Variants in CD74 observed in about 807,000 individuals in gnomAD.
CD74 encodes the protein CD74 molecule, also known as HLA class II histocompatibility antigen gamma chain.
CD74 carries 20 observed loss-of-function variants against 37.1 expected under a neutral mutation model. The ratio of observed to expected loss-of-function variants is 0.54; its 90% CI spans 0.38 to 0.78. The LOEUF (loss-of-function observed/expected upper bound fraction) is 0.78. Among genes scored for constraint, CD74 ranks in the 30% least tolerant of loss-of-function variants. The probability of loss-of-function intolerance (pLI) is 0.00; values close to 1 mark genes in which losing one functional copy is unlikely to be tolerated. For synonymous variants in CD74, 150 were observed against 152.0 expected (o/e 0.99, Z 0.10); for missense variants, 338 against 389.5 (o/e 0.87, Z 1.11).
At chr5:150,406,001 C>G in intron 4 of CD74, 1 of 360,954 alleles carries the variant, frequency 2.8e-6, no homozygotes, top group Non-Finnish European at 5.3e-6. Flanking sequence ...GAACTCCTGG[C>G]CTCAGGTGAT....
rs1467264237 is a variant in CD74 at position 150,407,783 on chromosome 5, T to G, written c.126-459A>C. On this transcript the variant is annotated intron_variant, in intron 1 of 8. Transcript: ENST00000009530. The surrounding 1 kb of genome is among the most constrained non-coding windows in gnomAD (Gnocchi z 4.4). ...TTGTTTTGTTTTTTGAGACGGAGTCTTGCTCTGTCGCCCAGGCTGGAGTGC... is the reference window on the plus strand; with the variant it reads ...TTGTTTTGTTTTTTGAGACGGAGTCGTGCTCTGTCGCCCAGGCTGGAGTGC... Among the ~76,000 whole-genome samples, 3 of 151,984 alleles carry G rather than the reference T, an allele frequency of 2.0e-5. No individual in the cohort carries two copies.
intron 1 of CD74, 35 bp downstream of exon 1, chr5:150,412,590 G>T: frequency 1.3e-6 from 2 of 1,505,800 alleles, no homozygotes; most frequent in South Asian, 1.1e-5. Flanking sequence ...CTGCAGTCCA[G>T]GATCGGTGTG....
chr5:150,402,711 C>T lies in CD74; in HGVS notation c.818-86G>A, dbSNP rs2151167852. On this transcript the variant is annotated intron_variant, in intron 7 of 8. Transcript: ENST00000009530. The surrounding 1 kb of genome is among the most constrained non-coding windows in gnomAD (Gnocchi z 4.2). ...CTGAGGGCAGTGCTTCCCACCTAGC[C>T]ACAGGCTTAGTGCCTGGGAAAGCAG... 1 of 1,187,606 alleles carries T rather than the reference C, an allele frequency of 8.4e-7. No homozygotes were observed. The highest frequency in any genetic ancestry group is 1.2e-6 in the Non-Finnish European group (1 of 825,066). 73.6% of individuals were successfully genotyped at this position (1,187,606 alleles called of 1,614,324 possible). A position where few individuals can be genotyped will look rare whatever the true frequency, so the allele number is the denominator to read the frequency against.
At chr5:150,406,540 A>G (rs1460147219) in intron 3 of CD74, among the ~76,000 whole-genome samples, 1 of 152,202 alleles carries the variant, frequency 6.6e-6, no homozygotes, top group Non-Finnish European at 1.5e-5. Context: ...TTTCCTGCCC[A>G]GGGTTTTGTC....
chr5:150,405,528 C>A, intron 4 of CD74: 1 of 660,918 alleles, frequency 1.5e-6, no homozygotes, highest in Non-Finnish European at 1.9e-6. Context: ...TAGGTTGAGT[C>A]CTCTGCCTCT....
rs1427536436 is a variant in CD74, at chr5:150,401,981, A to G, written c.*259T>C. 3.7e-6 allele frequency: 5 copies of G among 1,354,900 alleles called. No individual in the cohort carries two copies. The highest frequency in any genetic ancestry group is 5.1e-6 in the Non-Finnish European group (5 of 981,514). The allele number at this position is 1,354,900 out of a possible 1,614,324, so 83.9% of individuals were successfully genotyped here. A position where few individuals can be genotyped will look rare whatever the true frequency, so the allele number is the denominator to read the frequency against. On this transcript the variant is annotated 3_prime_UTR_variant, in exon 9 of 9. Transcript: ENST00000009530. ...GGCTGCTGTGATGTCAGGAACGGGG[A>G]TCTGTCTAGCTTTTGGCCACTTCCT... is the stretch of plus-strand genomic sequence containing the variant.
Position 150,403,002 on chromosome 5 carries a change from G to T in CD74, c.817+119C>A. ...GGGCTGGACGCATGACTACGTCACT[G>T]CCCCCAGGAGCTGCCATCCTGGGTG... On this transcript the variant is annotated intron_variant, in intron 7 of 8. Transcript: ENST00000009530. This position sits in a 1 kb window ranked among gnomAD's most constrained non-coding sequence, Gnocchi z 4.5. 1 of 776,006 alleles carries T rather than the reference G, an allele frequency of 1.3e-6. No individual in the cohort carries two copies. The highest frequency in any genetic ancestry group is 2.1e-6 in the Non-Finnish European group (1 of 477,554). 48.1% of individuals were successfully genotyped at this position (776,006 alleles called of 1,614,324 possible). A position where few individuals can be genotyped will look rare whatever the true frequency, so the allele number is the denominator to read the frequency against.
rs1027064525 is a variant in CD74 at position 150,406,256 on chromosome 5, C to T, written c.441+3G>A. The T allele has an allele frequency of 1.9e-6, 3 of 1,613,234 alleles. No individual in the cohort carries two copies. Among genetic ancestry groups the T allele is most frequent in the Non-Finnish European group, 2.5e-6 (3 of 1,179,426 alleles). On this transcript the variant is annotated splice_donor_region_variant and intron_variant, in intron 4 of 8. Coordinates refer to ENST00000009530, the MANE Select transcript of CD74 (RefSeq NM_001025159.3). ...GACCACCCAGCTAGCTCCCTGCACTCACCTGGAGCAGGTGCATCACATGGT... is the reference window on the plus strand; with the variant it reads ...GACCACCCAGCTAGCTCCCTGCACTTACCTGGAGCAGGTGCATCACATGGT...
intron 4 of CD74, chr5:150,406,017 T>C (rs1769939460): frequency 2.6e-6 from 1 of 390,134 alleles, no homozygotes; most frequent in Non-Finnish European, 4.9e-6. Context: ...GTGATCTGCC[T>C]GCCTAGGCCT....
chr5:150,410,680 A>T (rs1002191758), intron 1 of CD74, among the ~76,000 whole-genome samples: 15 of 121,748 alleles, frequency 1.2e-4, no homozygotes, highest in Non-Finnish European at 2.3e-4. Flanking sequence ...TTCTGCAATT[A>T]AAAAAAAAAA....
rs1769944551 is a variant in CD74, at chr5:150,406,094, A to G, written c.441+165T>C. 2.5e-5 allele frequency: 15 copies of G among 601,842 alleles called. No individual in the cohort carries two copies. The South Asian group carries it at 2.8e-4, about 11-fold the overall frequency. 37.3% of individuals were successfully genotyped at this position (601,842 alleles called of 1,614,324 possible). A position where few individuals can be genotyped will look rare whatever the true frequency, so the allele number is the denominator to read the frequency against. On this transcript the variant is annotated intron_variant, in intron 4 of 8. Coordinates refer to ENST00000009530, the MANE Select transcript of CD74 (RefSeq NM_001025159.3). ...CCGAGCCTGTTTATCTCAAAAATGC[A>G]GAGGCCAGACTACATATAACATTTA...
intron 1 of CD74, 25 bp downstream of exon 1, chr5:150,412,600 G>A (rs770201603): frequency 2.6e-6 from 4 of 1,540,098 alleles, no homozygotes; most frequent in African/African-American, 2.7e-5. Flanking sequence ...GGATCGGTGT[G>A]CCCTTTCCTG....
intron 1 of CD74, among the ~76,000 whole-genome samples, chr5:150,410,652 C>T (rs1022359729): frequency 6.6e-6 from 1 of 150,684 alleles, no homozygotes; most frequent in Non-Finnish European, 1.5e-5. Context: ...TCTTTATTTC[C>T]TCATTTACAC....
chr5:150,405,996 C>A, intron 4 of CD74: 1 of 345,406 alleles, frequency 2.9e-6, no homozygotes, highest in Non-Finnish European at 5.6e-6. Context: ...GTCTCGAACT[C>A]CTGGCCTCAG....
chr5:150,401,962 T>C lies in CD74; in HGVS notation c.*278A>G. ...CTTGGAGCCTTGTGTTGGAGGCTGC[T>C]GTGATGTCAGGAACGGGGATCTGTC... On this transcript the variant is annotated 3_prime_UTR_variant, in exon 9 of 9. Transcript: ENST00000009530. The C allele has an allele frequency of 8.5e-7, 1 of 1,177,422 alleles. No individual in the cohort carries two copies. Among genetic ancestry groups the C allele is most frequent in the Non-Finnish European group, 1.2e-6 (1 of 819,232 alleles). The allele number at this position is 1,177,422 out of a possible 1,614,324, so 72.9% of individuals were successfully genotyped here. A position where few individuals can be genotyped will look rare whatever the true frequency, so the allele number is the denominator to read the frequency against.
chr5:150,409,960 A>G (rs1770241266), intron 1 of CD74, among the ~76,000 whole-genome samples: 1 of 150,246 alleles, frequency 6.7e-6, no homozygotes, highest in Non-Finnish European at 1.5e-5. Flanking sequence ...GACATCACAG[A>G]CTGGCTCATT....
In CD74 at chr5:150,409,964, G is replaced by C. The variant is rs10077335; in HGVS notation, c.126-2640C>G. Among the ~76,000 whole-genome samples, 464 of 151,390 alleles carry C rather than the reference G, an allele frequency of 3.1e-3. 1 individual carries two copies. The highest frequency in any genetic ancestry group is 0.011 in the African/African-American group (443 of 41,246). On this transcript the variant is annotated intron_variant, in intron 1 of 8. Transcript: ENST00000009530. ...TGGTAACTCATGACATCACAGACTG[G>C]CTCATTCTCATTGGCTTGCTGCGTG... is the stretch of plus-strand genomic sequence containing the variant.
Position 150,411,740 on chromosome 5 carries a change from C to T in CD74, c.125+885G>A, listed in dbSNP as rs572907995. On this transcript the variant is annotated intron_variant, in intron 1 of 8. Transcript: ENST00000009530. Reference sequence around the variant, plus strand: ...CCTGAGCCCCCTCCAGAAATTTAACCAGAGCCTGTCCCTCCTTTCTTGCCT... The same window carrying T: ...CCTGAGCCCCCTCCAGAAATTTAACTAGAGCCTGTCCCTCCTTTCTTGCCT... Among the ~76,000 whole-genome samples, 88 of 152,268 alleles carry T rather than the reference C, an allele frequency of 5.8e-4. 2 individuals carry two copies. The highest frequency in any genetic ancestry group is 2.1e-3 in the African/African-American group (86 of 41,564).
chr5:150,406,778 ACCCCTCCCCAGGTGGGCTCTCTTCCCTG>A, intron 3 of CD74, 75 bp downstream of exon 3: 1 of 739,716 alleles, frequency 1.4e-6, no homozygotes. Flanking sequence ...AGCAGTCAGG[ACCCCTCCCCAGGTGGGCTCTCTTCCCTG>A]CCCCTCCCCT....
Sources: allele counts gnomAD v4.1 joint callset (sites outside exome capture counted in the v4.1 genomes callset), GRCh38; gene constraint gnomAD v4.1.1; non-coding constraint Gnocchi (gnomAD v3.1); transcripts MANE v1.5; gene names NCBI Gene and HGNC (gene_info 2026-07-23, HGNC 2026-07-21).